The following AKAP13 variants were observed in gnomAD, a reference collection of about 807,000 sequenced individuals.
The protein encoded by AKAP13 is A-kinase anchor protein 13.
In AKAP13, 80 loss-of-function variants were observed where a neutral mutation model predicts 264.5. The ratio of observed to expected loss-of-function variants is 0.30; its 90% CI spans 0.25 to 0.36. The LOEUF is 0.36. Ranked by LOEUF, AKAP13 falls within the 10% of genes least tolerant of loss-of-function variation. The pLI is 1.00. For synonymous variants in AKAP13, 1,380 were observed against 1,250.2 expected (o/e 1.10, Z -2.19); for missense variants, 3,712 against 3,435.2 (o/e 1.08, Z -2.01).
intron 5 of AKAP13, among the ~76,000 whole-genome samples, chr15:85,552,629 T>TTTTTTTTTTGCC (rs2077997791): frequency 8.5e-5 from 1 of 11,832 alleles, no homozygotes; most frequent in Non-Finnish European, 7.5e-4. Context: ...TTTTTTGGCC[T>TTTTTTTTTTGCC]TTTTTTTTTT....
chr15:85,405,267 C>G (rs2071609414), intron 1 of AKAP13, among the ~76,000 whole-genome samples: 1 of 152,014 alleles, frequency 6.6e-6, no homozygotes, highest in African/African-American at 2.4e-5. Context: ...TTAGTCTTTC[C>G]CCTTTTACTA....
chr15:85,716,364 A>C (rs1212138808), intron 20 of AKAP13, among the ~76,000 whole-genome samples: 2 of 152,128 alleles, frequency 1.3e-5, no homozygotes, highest in African/African-American at 2.4e-5. Flanking sequence ...TTAACACTTA[A>C]GTCAGTTTCA....
At chr15:85,671,099 G>A (rs1173820603) in intron 14 of AKAP13, among the ~76,000 whole-genome samples, 1 of 152,006 alleles carries the variant, frequency 6.6e-6, no homozygotes, top group Non-Finnish European at 1.5e-5. Context: ...GGAGGCTGAA[G>A]CAAAGGAAAT....
chr15:85,386,277 C>T (rs2070556754), intron 1 of AKAP13, among the ~76,000 whole-genome samples: 1 of 151,724 alleles, frequency 6.6e-6, no homozygotes, highest in African/African-American at 2.4e-5. Flanking sequence ...CAAAGACTTT[C>T]CCCTATATTT....
At chr15:85,632,398 T>G (rs900399829) in intron 8 of AKAP13, among the ~76,000 whole-genome samples, 4 of 152,184 alleles carry the variant, frequency 2.6e-5, no homozygotes, top group African/African-American at 9.7e-5. Context: ...GACATTATCT[T>G]TATAATACTG....
chr15:85,440,487 T>C (rs2073589241), intron 1 of AKAP13, among the ~76,000 whole-genome samples: 1 of 152,216 alleles, frequency 6.6e-6, no homozygotes, highest in Non-Finnish European at 1.5e-5. Flanking sequence ...ATGCAAAATC[T>C]TAAACAGGCC....
intron 1 of AKAP13, among the ~76,000 whole-genome samples, chr15:85,465,527 G>T (rs534072592): frequency 8.9e-6 from 1 of 112,358 alleles, no homozygotes; most frequent in South Asian, 3.2e-4. Flanking sequence ...ACAGTCACCA[G>T]AGTGTGATGT....
chr15:85,706,971 T>C (rs1286001904), intron 17 of AKAP13, among the ~76,000 whole-genome samples: 2 of 152,190 alleles, frequency 1.3e-5, no homozygotes, highest in African/African-American at 4.8e-5. Context: ...CAAATCCATG[T>C]GTCTGGGCTA....
intron 8 of AKAP13, chr15:85,620,236 G>T (rs561493546): frequency 1.4e-6 from 2 of 1,469,434 alleles, no homozygotes; most frequent in Non-Finnish European, 1.8e-6. Context: ...TTTGAACCCG[G>T]TAGCCATGTC....
chr15:85,565,729 G>A (rs924607197), intron 5 of AKAP13, among the ~76,000 whole-genome samples: 1 of 152,208 alleles, frequency 6.6e-6, no homozygotes, highest in Non-Finnish European at 1.5e-5. Flanking sequence ...TTCTAGGTAT[G>A]GGCCTCATAG....
intron 1 of AKAP13, among the ~76,000 whole-genome samples, chr15:85,408,463 T>C (rs1253293836): frequency 2.6e-5 from 4 of 151,824 alleles, no homozygotes; most frequent in East Asian, 1.9e-4. Context: ...TTTGTACCCA[T>C]GAAACAATAA....
intron 1 of AKAP13, among the ~76,000 whole-genome samples, chr15:85,482,944 C>T (rs1418004058): frequency 6.6e-6 from 1 of 152,106 alleles, no homozygotes; most frequent in Admixed American, 6.5e-5. Flanking sequence ...ATGACCTGTC[C>T]CTTTGACCAG....
intron 8 of AKAP13, among the ~76,000 whole-genome samples, chr15:85,601,608 T>TGTGTGTGTGTGTG (rs2080075703): frequency 9.1e-5 from 12 of 131,988 alleles, no homozygotes; most frequent in South Asian, 2.5e-4. Context: ...CCTGAATTCT[T>TGTGTGTGTGTGTG]TGTGTGTGTG....
intron 8 of AKAP13, among the ~76,000 whole-genome samples, chr15:85,614,922 C>T (rs1347594719): frequency 6.6e-6 from 1 of 152,172 alleles, no homozygotes; most frequent in African/African-American, 2.4e-5. Context: ...ATAAATCTTG[C>T]TCCAGAAGAC....
At chr15:85,468,134 A>G (rs1000682083) in intron 1 of AKAP13, among the ~76,000 whole-genome samples, 2 of 152,190 alleles carry the variant, frequency 1.3e-5, no homozygotes, top group African/African-American at 4.8e-5. Context: ...TCTCAGGGTA[A>G]AGGAACTTTT....
chr15:85,546,181 A>G (rs1019644247), intron 5 of AKAP13, among the ~76,000 whole-genome samples: 3 of 152,218 alleles, frequency 2.0e-5, no homozygotes, highest in Non-Finnish European at 4.4e-5. Flanking sequence ...CTAAAAAAGA[A>G]TGTATTTCTC....
chr15:85,533,539 G>A, intron 3 of AKAP13, 45 bp from the exon 4 acceptor site: 1 of 1,529,926 alleles, frequency 6.5e-7, no homozygotes, highest in Non-Finnish European at 8.8e-7. Context: ...CCTTTCAGCA[G>A]TGAGGCTCTA....
At chr15:85,498,660 T>C (rs1338313997) in intron 2 of AKAP13, among the ~76,000 whole-genome samples, 4 of 152,152 alleles carry the variant, frequency 2.6e-5, no homozygotes, top group African/African-American at 9.7e-5. Context: ...ATTTACCATC[T>C]CTTTTTCAAA....
chr15:85,625,254 T>G (rs1014744298), intron 8 of AKAP13, among the ~76,000 whole-genome samples: 1 of 152,234 alleles, frequency 6.6e-6, no homozygotes, highest in Non-Finnish European at 1.5e-5. Context: ...AGCTGAAGAT[T>G]CCAAAAGGGT....
Sources: allele counts gnomAD v4.1 joint callset (sites outside exome capture counted in the v4.1 genomes callset), GRCh38; gene constraint gnomAD v4.1.1; transcripts MANE v1.5; gene names NCBI Gene and HGNC (gene_info 2026-07-23, HGNC 2026-07-21).